Variants in GNB4 observed in about 807,000 individuals in gnomAD.
GNB4 encodes the protein G protein subunit beta 4.
GNB4 carries 28 observed loss-of-function variants against 45.2 expected under a neutral mutation model. That is an observed-to-expected ratio of 0.62 (90% CI 0.46 to 0.85). GNB4 has a LOEUF of 0.85. GNB4 is among the 40% of genes least tolerant of loss of function. The pLI is 0.00. For synonymous variants in GNB4, 132 were observed against 143.7 expected (o/e 0.92, Z 0.58); for missense variants, 321 against 425.4 (o/e 0.75, Z 2.16).
chr3:179,401,364 G>C, intron 9 of GNB4, 45 bp from the exon 10 acceptor site: 1 of 1,300,972 alleles, frequency 7.7e-7, no homozygotes, highest in Non-Finnish European at 1.1e-6. Flanking sequence ...TAGGGTTTTA[G>C]AATTAAACAA....
At chr3:179,507,895 A>C in the GNB4 span, among the ~76,000 whole-genome samples, 418 of 152,322 alleles carry the variant, frequency 2.7e-3, 4 homozygotes, top group African/African-American at 9.9e-3. Context: ...GTTAATGCAC[A>C]AAAAACGTTG....
At chr3:179,527,192 G>A in the GNB4 span, among the ~76,000 whole-genome samples, 4 of 152,182 alleles carry the variant, frequency 2.6e-5, no homozygotes, top group Non-Finnish European at 5.9e-5. Flanking sequence ...AGGATGCCGG[G>A]AAGGAGGATT....
intron 1 of GNB4, among the ~76,000 whole-genome samples, chr3:179,449,282 C>T (rs1393079387): frequency 6.6e-6 from 1 of 152,034 alleles, no homozygotes; most frequent in African/African-American, 2.4e-5. Context: ...TACACTGTGC[C>T]CTGGCAAAAG....
the GNB4 span, among the ~76,000 whole-genome samples, chr3:179,485,945 A>AACAAAACAAC: frequency 6.7e-6 from 1 of 149,278 alleles, no homozygotes; most frequent in Non-Finnish European, 1.5e-5. Flanking sequence ...CTCAAAACAA[A>AACAAAACAAC]ACAAAACAAC....
the GNB4 span, among the ~76,000 whole-genome samples, chr3:179,456,604 G>A: frequency 6.6e-6 from 1 of 151,734 alleles, no homozygotes; most frequent in Non-Finnish European, 1.5e-5. Context: ...TTCTTTTAGT[G>A]TGCAGTACTG....
chr3:179,426,690 G>A (rs991628389), intron 1 of GNB4, among the ~76,000 whole-genome samples: 1 of 152,118 alleles, frequency 6.6e-6, no homozygotes, highest in Non-Finnish European at 1.5e-5. Context: ...AAAAATGTGG[G>A]AGCAGTCCTG....
At chr3:179,440,374 T>A (rs867681368) in intron 1 of GNB4, among the ~76,000 whole-genome samples, 3 of 152,210 alleles carry the variant, frequency 2.0e-5, no homozygotes, top group African/African-American at 7.2e-5. Flanking sequence ...AGACATTTTT[T>A]AAAAAATTAA....
the GNB4 span, among the ~76,000 whole-genome samples, chr3:179,482,044 A>T: frequency 6.6e-6 from 1 of 152,132 alleles, no homozygotes; most frequent in African/African-American, 2.4e-5. Flanking sequence ...CTGGGACAAC[A>T]GGTGTGCACC....
chr3:179,396,720 C>T lies in GNB4; in HGVS notation c.*4493G>A, dbSNP rs993812389. 1 of 140,754 alleles carries T rather than the reference C, an allele frequency of 7.1e-6. No individual in the cohort carries two copies. The highest frequency in any genetic ancestry group is 2.7e-5 in the African/African-American group (1 of 36,912). The allele number at this position is 140,754 out of a possible 1,614,324, so 8.7% of individuals were successfully genotyped here. On this transcript the variant is annotated 3_prime_UTR_variant, in exon 10 of 10. Transcript: ENST00000232564. ...TCAACATGCAAACATTTGCTAAATA[C>T]AAGGTGTACCATCAATGTGTGATTA...
intron 2 of GNB4, among the ~76,000 whole-genome samples, chr3:179,425,549 C>T (rs1715117682): frequency 6.6e-6 from 1 of 152,198 alleles, no homozygotes; most frequent in Admixed American, 6.5e-5. Context: ...CAGCTCGTTG[C>T]AACCTCCGTC....
At chr3:179,436,107 T>C (rs1418104297) in intron 1 of GNB4, among the ~76,000 whole-genome samples, 1 of 152,200 alleles carries the variant, frequency 6.6e-6, no homozygotes, top group Non-Finnish European at 1.5e-5. Flanking sequence ...TTTAAAAATG[T>C]AAGGATAGGC....
intron 5 of GNB4, among the ~76,000 whole-genome samples, chr3:179,416,035 T>C (rs1714789370): frequency 6.6e-6 from 1 of 152,108 alleles, no homozygotes; most frequent in Non-Finnish European, 1.5e-5. Context: ...CCACAGTCTT[T>C]TACCACCAAG....
At chr3:179,465,344 CTGTA>C in the GNB4 span, 1 of 1,084,930 alleles carries the variant, frequency 9.2e-7, no homozygotes, top group Non-Finnish European at 1.4e-6. Flanking sequence ...TGGCTCACAC[CTGTA>C]ATCCCAGCAC....
chr3:179,480,522 A>AGGAGGATCCTGGAAATAAGGATCCTCTC, the GNB4 span, among the ~76,000 whole-genome samples: 8 of 152,056 alleles, frequency 5.3e-5, no homozygotes, highest in Admixed American at 5.2e-4. Context: ...GGCTTTTTCT[A>AGGAGGATCCTGGAAATAAGGATCCTCTC]GGAGGATCCT....
In GNB4 at chr3:179,415,061, A is replaced by G. The variant is rs968793378; in HGVS notation, c.268-14T>C. 7 of 1,537,554 alleles carry G rather than the reference A, an allele frequency of 4.6e-6. No homozygotes were observed. Among genetic ancestry groups the G allele is most frequent in the Non-Finnish European group, 6.2e-6 (7 of 1,128,434 alleles). ...AATAGCATGCATCTGTAGGGCACAC[A>G]CCACACATCACTCAGATTACAAAAA... On this transcript the variant is annotated splice_polypyrimidine_tract_variant and intron_variant, in intron 5 of 9. Transcript: ENST00000232564.
chr3:179,429,762 A>C (rs1048992556), intron 1 of GNB4, among the ~76,000 whole-genome samples: 1 of 152,218 alleles, frequency 6.6e-6, no homozygotes, highest in Admixed American at 6.5e-5. Flanking sequence ...ACAATGGGGC[A>C]TATCAGTTCT....
chr3:179,418,407 T>C (rs1348844893), intron 4 of GNB4, among the ~76,000 whole-genome samples: 1 of 144,494 alleles, frequency 6.9e-6, no homozygotes, highest in Admixed American at 7.5e-5. Context: ...GAGGCAGAGG[T>C]TGCAGTGAGC....
rs1020090528 is a variant in GNB4, at chr3:179,405,198, T to G, written c.908A>C (p.Asp303Ala). ...TGGACTTATTTACTAACCTGCACGATCTCCTTTTAGCGTGTCCCATACATT... is the reference window on the plus strand; with the variant it reads ...TGGACTTATTTACTAACCTGCACGAGCTCCTTTTAGCGTGTCCCATACATT... ...NCNVWDTLKGDRAGVLAGHDN... is the reference protein window; with the variant it reads ...NCNVWDTLKGARAGVLAGHDN... The change falls in exon 9 of 10, where the codon GAT (aspartate) becomes GCT (alanine). Residue 303 changes from aspartate to alanine, a missense_variant. Coordinates refer to ENST00000232564, the MANE Select transcript of GNB4 (RefSeq NM_021629.4). The G allele has an allele frequency of 2.0e-5, 33 of 1,612,706 alleles. No individual in the cohort carries two copies. The highest frequency in any genetic ancestry group is 2.7e-5 in the Non-Finnish European group (32 of 1,179,304).
At chr3:179,409,898 C>T (rs1285772205) in intron 8 of GNB4, among the ~76,000 whole-genome samples, 1 of 152,024 alleles carries the variant, frequency 6.6e-6, no homozygotes, top group Non-Finnish European at 1.5e-5. Flanking sequence ...TGTTTCCCCA[C>T]CCAAATCTCA....
Sources: allele counts gnomAD v4.1 joint callset (sites outside exome capture counted in the v4.1 genomes callset), GRCh38; gene constraint gnomAD v4.1.1; transcripts MANE v1.5; gene names NCBI Gene and HGNC (gene_info 2026-07-23, HGNC 2026-07-21).